The following RARB variants were observed in gnomAD, a reference collection of about 807,000 sequenced individuals.
RARB encodes the protein retinoic acid receptor beta.
RARB carries 17 observed loss-of-function variants against 51.9 expected under a neutral mutation model. The observed-to-expected ratio is 0.33, with a 90% CI of 0.22 to 0.49. RARB has a LOEUF of 0.49. Ranked by LOEUF, RARB falls within the 20% of genes least tolerant of loss-of-function variation. The pLI is 0.99. For missense variants in RARB, 369 were observed against 550.8 expected (o/e 0.67, Z 3.30); for synonymous variants, 215 against 195.4 (o/e 1.10, Z -0.84).
rs529531804 is a variant in RARB at position 24,917,693 on chromosome 3, A to G, written c.-380+58941A>G. Among the ~76,000 whole-genome samples, 244 of 152,222 alleles carry G rather than the reference A, an allele frequency of 1.6e-3. 2 individuals are homozygous for G. Among genetic ancestry groups the G allele is most frequent in the Non-Finnish European group, 2.5e-3 (171 of 68,004 alleles). ...CTACAGGCGTGTGCCATGCCTGCTA[A>G]TTTCTCTATTTTTACTAGAGACGGG... On this transcript the variant is annotated intron_variant, in intron 2 of 11. Coordinates refer to the RARB transcript ENST00000383772.
chr3:24,922,406 G>C (rs1372128165), intron 2 of RARB, among the ~76,000 whole-genome samples: 2 of 152,194 alleles, frequency 1.3e-5, no homozygotes, highest in Non-Finnish European at 2.9e-5. Context: ...CAAGCACTTA[G>C]ATTTTTCCAG....
chr3:24,925,167 C>A (rs944840068), intron 2 of RARB, among the ~76,000 whole-genome samples: 5 of 152,092 alleles, frequency 3.3e-5, no homozygotes, highest in Admixed American at 6.6e-5. Flanking sequence ...CCCTACTTGG[C>A]ATTCTCAAGG....
At position 25,596,698 on chromosome 3, in the gene RARB, G is replaced by A; in HGVS notation, c.*82G>A. On this transcript the variant is annotated 3_prime_UTR_variant, in exon 8 of 8. Transcript: ENST00000330688. ...TGCAAGAAAAAACATTTTTACTGCT[G>A]CTTAGTTTTTGGACTGAAAAGATAT... The A allele has an allele frequency of 7.8e-7, 1 of 1,277,476 alleles. No individual in the cohort carries two copies. Among genetic ancestry groups the A allele is most frequent in the Non-Finnish European group, 1.1e-6 (1 of 931,754 alleles). The allele number at this position is 1,277,476 out of a possible 1,614,324, so 79.1% of individuals were successfully genotyped here.
At chr3:24,863,699 C>T (rs1003359568) in intron 2 of RARB, among the ~76,000 whole-genome samples, 1 of 151,200 alleles carries the variant, frequency 6.6e-6, no homozygotes, top group Non-Finnish European at 1.5e-5. Context: ...TATGAAGCAA[C>T]AAGTTTGACT....
At chr3:25,164,139 G>A (rs2125348043) in intron 4 of RARB, among the ~76,000 whole-genome samples, 1 of 152,186 alleles carries the variant, frequency 6.6e-6, no homozygotes, top group East Asian at 1.9e-4. Context: ...GGCCACTGGG[G>A]AGAAGGTAGC....
intron 7 of RARB, 36 bp from the exon 8 acceptor site, chr3:25,596,384 T>C (rs1701832624): frequency 6.5e-7 from 1 of 1,536,642 alleles, no homozygotes; most frequent in Non-Finnish European, 9.0e-7. Flanking sequence ...CTTAACTCCT[T>C]ATCTTAACCA....
intron 4 of RARB, among the ~76,000 whole-genome samples, chr3:25,172,136 G>A (rs753652814): frequency 6.6e-6 from 1 of 152,154 alleles, no homozygotes; most frequent in African/African-American, 2.4e-5. Context: ...TCTCACTGTT[G>A]ACACTGTTCG....
intron 3 of RARB, among the ~76,000 whole-genome samples, chr3:25,074,432 A>G (rs2125309965): frequency 6.6e-6 from 1 of 152,242 alleles, no homozygotes; most frequent in South Asian, 2.1e-4. Flanking sequence ...GTTACTCCCT[A>G]GGAATTCTCC....
intron 5 of RARB, among the ~76,000 whole-genome samples, chr3:25,211,149 G>T (rs960576687): frequency 1.3e-5 from 2 of 152,148 alleles, no homozygotes; most frequent in African/African-American, 4.8e-5. Context: ...TATTATTGAT[G>T]TTGAAAATAT....
intron 2 of RARB, among the ~76,000 whole-genome samples, chr3:25,044,980 C>T (rs949643508): frequency 9.9e-5 from 15 of 152,150 alleles, no homozygotes; most frequent in Non-Finnish European, 1.6e-4. Flanking sequence ...TCAAAGTCCT[C>T]CCGGCATTTT....
intron 5 of RARB, among the ~76,000 whole-genome samples, chr3:25,198,510 C>T (rs1004582316): frequency 7.2e-5 from 11 of 151,916 alleles, no homozygotes; most frequent in Non-Finnish European, 1.5e-4. Context: ...AAAATATTTG[C>T]AAACTATCCA....
chr3:25,512,242 G>A (rs540467758), intron 3 of RARB, among the ~76,000 whole-genome samples: 2 of 152,220 alleles, frequency 1.3e-5, no homozygotes, highest in East Asian at 3.9e-4. Flanking sequence ...ATTCATCAGC[G>A]GTCCTTAGTG....
intron 2 of RARB, among the ~76,000 whole-genome samples, chr3:25,043,599 G>T (rs889518085): frequency 2.6e-5 from 4 of 152,196 alleles, no homozygotes; most frequent in Non-Finnish European, 5.9e-5. Context: ...TCCTCCCATG[G>T]AGTTCAGGGA....
At chr3:24,895,188 C>A (rs1003953727) in intron 2 of RARB, among the ~76,000 whole-genome samples, 3 of 152,150 alleles carry the variant, frequency 2.0e-5, no homozygotes, top group African/African-American at 7.2e-5. Context: ...AATGAAGAAA[C>A]TGAAGCTCAG....
At chr3:25,571,165 C>T (rs1700695671) in intron 4 of RARB, among the ~76,000 whole-genome samples, 1 of 152,194 alleles carries the variant, frequency 6.6e-6, no homozygotes, top group African/African-American at 2.4e-5. Context: ...AGGGCTGGCA[C>T]CCACCTTAAA....
At chr3:25,072,401 C>T (rs1698785290) in intron 3 of RARB, among the ~76,000 whole-genome samples, 1 of 152,076 alleles carries the variant, frequency 6.6e-6, no homozygotes, top group Non-Finnish European at 1.5e-5. Context: ...CATGGTGGAG[C>T]TGAGCAACCA....
At chr3:24,834,649 A>C (rs1702319590) in intron 1 of RARB, among the ~76,000 whole-genome samples, 1 of 152,194 alleles carries the variant, frequency 6.6e-6, no homozygotes, top group South Asian at 2.1e-4. Flanking sequence ...ACGTCAATGT[A>C]ATCATGTAAA....
Position 25,019,311 on chromosome 3 carries a change from G to A in RARB, c.-379-40814G>A, listed in dbSNP as rs1031031754. Among the ~76,000 whole-genome samples, 4 of 152,248 alleles carry A rather than the reference G, an allele frequency of 2.6e-5. No homozygotes were observed. The East Asian group carries it at 5.8e-4, about 22-fold the overall frequency. On this transcript the variant is annotated intron_variant, in intron 2 of 11. Coordinates refer to the RARB transcript ENST00000383772. ...TTCAAGAAATAAAAATAAGACACCA[G>A]AAAAGCCAGTATGGTTGTTAGAGAA...
At chr3:25,236,587 A>G (rs1361190365) in intron 5 of RARB, among the ~76,000 whole-genome samples, 1 of 152,122 alleles carries the variant, frequency 6.6e-6, no homozygotes, top group Non-Finnish European at 1.5e-5. Context: ...AAAGAAAAGG[A>G]GCATCTTTTC....
Sources: allele counts gnomAD v4.1 joint callset (sites outside exome capture counted in the v4.1 genomes callset), GRCh38; gene constraint gnomAD v4.1.1; transcripts MANE v1.5; gene names NCBI Gene and HGNC (gene_info 2026-07-23, HGNC 2026-07-21).